FAM135B: variants seen among roughly 807,000 people sequenced by gnomAD.
FAM135B encodes the protein family with sequence similarity 135 member B.
Under a neutral mutation model 127.7 loss-of-function variants are expected in FAM135B, and 43 were observed. That is an observed-to-expected ratio of 0.34 (90% confidence interval 0.26 to 0.43). The LOEUF (loss-of-function observed/expected upper bound fraction) is 0.43. Among genes scored for constraint, FAM135B ranks in the 20% least tolerant of loss-of-function variants. FAM135B has a pLI of 1.00. For synonymous variants in FAM135B, 670 were observed against 665.1 expected, an observed-to-expected ratio of 1.01 and a Z score of -0.11; for missense variants, 1,558 against 1,725.6, an observed-to-expected ratio of 0.90 and a Z score of 1.72.
chr8:138,157,876 A>T (rs1294480534), intron 12 of FAM135B, among the ~76,000 whole-genome samples: 1 of 152,224 alleles, frequency 6.6e-6, no homozygotes, highest in Non-Finnish European at 1.5e-5. Flanking sequence ...ATAATGCCCA[A>T]GGTAATTTAT....
intron 9 of FAM135B, among the ~76,000 whole-genome samples, chr8:138,189,283 C>T (rs1815889011): frequency 6.6e-6 from 1 of 152,214 alleles, no homozygotes. Flanking sequence ...CCCTTTCCAG[C>T]TCCCCTTCCC....
rs1444136126 is a variant in FAM135B, at chr8:138,152,791, T to C, written c.1684A>G (p.Asn562Asp). The C allele has an allele frequency of 2.5e-6, 4 of 1,614,142 alleles. No homozygotes were observed. The East Asian group carries it at 8.9e-5, about 36-fold the overall frequency. The change falls in exon 13 of 20, where the codon AAC becomes GAC. Residue 562 changes from asparagine (N) to aspartate (D), a missense_variant. Asn to Asp is a conservative substitution (Grantham distance 23). Around this residue, in one of 5 missense-constraint regions of FAM135B, gnomAD observed 923 missense variants for 865.3 expected, o/e 1.07. Transcript: ENST00000395297. ...TYIDVKSSNK[N>D]PSRAEPLVAF... Reference sequence around the variant, plus strand: ...ACCAGGGGTTCAGCTCTGGAGGGGTTCTTATTGCTAGATTTTACGTCAATG... The same window carrying C: ...ACCAGGGGTTCAGCTCTGGAGGGGTCCTTATTGCTAGATTTTACGTCAATG...
intron 2 of FAM135B, among the ~76,000 whole-genome samples, chr8:138,359,174 G>A (rs372324031): frequency 9.1e-4 from 139 of 152,278 alleles, no homozygotes; most frequent in African/African-American, 3.2e-3. Flanking sequence ...GTCATTGTAT[G>A]AAAGGGGGAT....
chr8:138,425,133 T>C (rs922139491), intron 1 of FAM135B, among the ~76,000 whole-genome samples: 2 of 152,216 alleles, frequency 1.3e-5, no homozygotes, highest in African/African-American at 2.4e-5. Context: ...ACAAGCATTA[T>C]ATATTTTAAA....
At chr8:138,482,471 CTGT>C (rs1393563517) in intron 1 of FAM135B, among the ~76,000 whole-genome samples, 1 of 152,130 alleles carries the variant, frequency 6.6e-6, no homozygotes, top group Admixed American at 6.6e-5. Flanking sequence ...GTTAATTGCT[CTGT>C]TGTTACCATC....
intron 1 of FAM135B, among the ~76,000 whole-genome samples, chr8:138,414,469 C>T (rs1197847131): frequency 1.3e-5 from 2 of 151,968 alleles, no homozygotes; most frequent in African/African-American, 4.8e-5. Context: ...CGAAACACCC[C>T]CCAAAAGAGA....
rs2130780863 is a variant in FAM135B at position 138,152,762 on chromosome 8, G to A, written c.1713C>T (p.Ala571=). The change falls in exon 13 of 20, where the codon GCC becomes GCT. Residue 571 remains alanine (A), a synonymous_variant. Coordinates refer to ENST00000395297, the MANE Select transcript of FAM135B (RefSeq NM_015912.4). ...TCCTACTCTCATGCTGAGCATTGAAGGCCACCAGGGGTTCAGCTCTGGAGG... is the reference window on the plus strand; with the variant it reads ...TCCTACTCTCATGCTGAGCATTGAAAGCCACCAGGGGTTCAGCTCTGGAGG... The part of the protein sequence containing the change: ...KNPSRAEPLV[A]FNAQHESRSS... The A allele has an allele frequency of 6.2e-7, 1 of 1,614,142 alleles. No homozygotes were observed. The highest frequency in any genetic ancestry group is 1.1e-5 in the South Asian group (1 of 91,080).
At chr8:138,491,850 G>C (rs915794370) in intron 1 of FAM135B, among the ~76,000 whole-genome samples, 1 of 152,164 alleles carries the variant, frequency 6.6e-6, no homozygotes, top group Non-Finnish European at 1.5e-5. Flanking sequence ...TGATTACCAG[G>C]GAGAAGAATG....
chr8:138,170,824 C>A (rs1317170567), intron 11 of FAM135B, among the ~76,000 whole-genome samples: 6 of 152,116 alleles, frequency 3.9e-5, no homozygotes, highest in African/African-American at 1.4e-4. Flanking sequence ...TGGGGAAGAT[C>A]TACCCTTAAT....
chr8:138,302,469 C>G (rs1825958637), intron 3 of FAM135B, among the ~76,000 whole-genome samples: 1 of 152,176 alleles, frequency 6.6e-6, no homozygotes, highest in Admixed American at 6.5e-5. Context: ...AGAAGGTAGT[C>G]AAGCTAACCA....
chr8:138,482,460 G>A (rs1384977420), intron 1 of FAM135B, among the ~76,000 whole-genome samples: 3 of 152,010 alleles, frequency 2.0e-5, no homozygotes, highest in Non-Finnish European at 2.9e-5. Flanking sequence ...CCCTCCCTTC[G>A]GTTAATTGCT....
At chr8:138,472,777 G>A (rs2131657521) in intron 1 of FAM135B, among the ~76,000 whole-genome samples, 1 of 152,254 alleles carries the variant, frequency 6.6e-6, no homozygotes, top group South Asian at 2.1e-4. Flanking sequence ...AGCGAGGGGA[G>A]TCCCACGTTT....
chr8:138,467,897 A>C (rs2131637788), intron 1 of FAM135B, among the ~76,000 whole-genome samples: 1 of 152,324 alleles, frequency 6.6e-6, no homozygotes, highest in African/African-American at 2.4e-5. Flanking sequence ...GTATAATGTC[A>C]TTGGAGTTCC....
intron 1 of FAM135B, among the ~76,000 whole-genome samples, chr8:138,391,713 T>G (rs781266243): frequency 2.4e-4 from 35 of 146,566 alleles, no homozygotes; most frequent in Non-Finnish European, 4.1e-4. Flanking sequence ...ATTCCCTCCA[T>G]GTCAGGCACT....
In FAM135B at chr8:138,148,553, T is replaced by C. The variant is rs150707863; in HGVS notation, c.3415A>G (p.Ile1139Val). ...CCATGGACACAGACAACCAGGTGAATTCCATCTTCCAAATTTTCTTCCTCT... is the reference window on the plus strand; with the variant it reads ...CCATGGACACAGACAACCAGGTGAACTCCATCTTCCAAATTTTCTTCCTCT... ...EEEEENLEDG[I>V]HLVVCVHGLD... Residue 1139 changes from isoleucine to valine, a missense_variant, in exon 14 of 20, where the codon ATT becomes GTT. This residue lies in a region of FAM135B where 194 missense variants were observed against 333.8 expected (regional missense o/e 0.58). Transcript: ENST00000395297. 5 of 1,614,002 alleles carry C rather than the reference T, an allele frequency of 3.1e-6. No homozygotes were observed. The African/African-American group carries it at 4.0e-5, about 13-fold the overall frequency.
chr8:138,233,491 T>C (rs971313681), intron 7 of FAM135B, among the ~76,000 whole-genome samples: 1 of 152,134 alleles, frequency 6.6e-6, no homozygotes, highest in African/African-American at 2.4e-5. Context: ...TGTACCAATA[T>C]CTTACACCAT....
intron 2 of FAM135B, among the ~76,000 whole-genome samples, chr8:138,323,076 T>C (rs1265381668): frequency 6.6e-6 from 1 of 152,234 alleles, no homozygotes; most frequent in Non-Finnish European, 1.5e-5. Flanking sequence ...TGACATACTT[T>C]TCCAAGGAAA....
intron 1 of FAM135B, among the ~76,000 whole-genome samples, chr8:138,461,300 A>G (rs1837107406): frequency 6.6e-6 from 1 of 152,144 alleles, no homozygotes; most frequent in Non-Finnish European, 1.5e-5. Context: ...TCATCAAGGA[A>G]ACAACTCACC....
At chr8:138,431,486 T>C (rs1472494773) in intron 1 of FAM135B, among the ~76,000 whole-genome samples, 1 of 152,204 alleles carries the variant, frequency 6.6e-6, no homozygotes. Flanking sequence ...ACTGCTTTTG[T>C]AAATAAAGTT....
Sources: gnomAD v4.1 joint callset for allele counts (sites outside exome capture counted in the v4.1 genomes callset) on GRCh38, gnomAD v4.1.1 for gene constraint, gnomAD v4.1.1 regional missense constraint, MANE v1.5 for transcripts, NCBI Gene and HGNC (gene_info 2026-07-23, HGNC 2026-07-21) for gene names.